DEPDC1: variants seen among roughly 807,000 people sequenced by gnomAD.
The protein encoded by DEPDC1 is DEP domain containing 1, also known as DEP domain-containing protein 1A.
In DEPDC1, 66 loss-of-function variants were observed where a neutral mutation model predicts 86.8. The observed-to-expected ratio is 0.76, with a 90% CI of 0.62 to 0.93. The LOEUF is 0.93. Among genes scored for constraint, DEPDC1 ranks in the 40% least tolerant of loss-of-function variants. DEPDC1 has a pLI of 0.00. For missense variants in DEPDC1, 792 were observed against 935.7 expected (o/e 0.85, Z 2.00); for synonymous variants, 255 against 314.9 (o/e 0.81, Z 2.02).
In DEPDC1 at chr1:68,496,903, T is replaced by TAA; in HGVS notation, c.48+48_48+49insTT. On this transcript the variant is annotated intron_variant, in intron 1 of 11. Transcript: ENST00000456315. This position sits in a 1 kb window ranked among gnomAD's most constrained non-coding sequence, Gnocchi z 4.0. ...GTCGAGGTAAAACTGCGAACAGTGG[T>TAA]GACTGCCGTCAGCCCGCTGACCGGT... The TAA allele has an allele frequency of 6.4e-7, 1 of 1,567,544 alleles. No individual in the cohort carries two copies. The highest frequency in any genetic ancestry group is 8.7e-7 in the Non-Finnish European group (1 of 1,143,064).
chr1:68,475,395 C>T lies in DEPDC1; in HGVS notation c.*1537G>A, dbSNP rs1411238181. 6 of 151,726 alleles carry T rather than the reference C, an allele frequency of 4.0e-5. 1 individual carries two copies. In the South Asian group the frequency reaches 8.3e-4, roughly 21 times the overall value. 9.4% of individuals were successfully genotyped at this position (151,726 alleles called of 1,614,324 possible). A position where few individuals can be genotyped will look rare whatever the true frequency, so the allele number is the denominator to read the frequency against. On this transcript the variant is annotated 3_prime_UTR_variant, in exon 12 of 12. Coordinates refer to ENST00000456315, the MANE Select transcript of DEPDC1 (RefSeq NM_001114120.3). ...ATTTTACATATCTATAAACAATAAACGTTTTAGTATTCAAATGCCTTAGAA... is the reference window on the plus strand; with the variant it reads ...ATTTTACATATCTATAAACAATAAATGTTTTAGTATTCAAATGCCTTAGAA...
intron 1 of DEPDC1, among the ~76,000 whole-genome samples, chr1:68,495,219 C>CT (rs1477412352): frequency 5.9e-5 from 9 of 151,876 alleles, no homozygotes; most frequent in Non-Finnish European, 1.3e-4. Flanking sequence ...TATGTAATAG[C>CT]TTTTTTATTA....
At position 68,478,102 on chromosome 1, in the gene DEPDC1, G is replaced by A. The variant is rs1381061122; in HGVS notation, c.2113-130C>T. On this transcript the variant is annotated intron_variant, in intron 10 of 11. Transcript: ENST00000456315. ...AACATTCAGCCATTAAAAAAACTATGTATTATGCAGTAGAGGTATGTAAGT... is the reference window on the plus strand; with the variant it reads ...AACATTCAGCCATTAAAAAAACTATATATTATGCAGTAGAGGTATGTAAGT... The A allele has an allele frequency of 8.9e-6, 5 of 559,956 alleles. No homozygotes were observed. In the East Asian group the frequency reaches 1.3e-4, roughly 15 times the overall value. 34.7% of individuals were successfully genotyped at this position (559,956 alleles called of 1,614,324 possible). A position where few individuals can be genotyped will look rare whatever the true frequency, so the allele number is the denominator to read the frequency against.
At chr1:68,477,650 C>T (rs754364151) in intron 11 of DEPDC1, 137 bp downstream of exon 11, 25 of 506,552 alleles carry the variant, frequency 4.9e-5, no homozygotes, top group Non-Finnish European at 6.9e-5. Context: ...TACAAGACAT[C>T]ATAATATATA....
chr1:68,496,771 G>C lies in DEPDC1; in HGVS notation c.48+181C>G, dbSNP rs1646268615. On this transcript the variant is annotated intron_variant, in intron 1 of 11. Transcript: ENST00000456315. This position sits in a 1 kb window ranked among gnomAD's most constrained non-coding sequence, Gnocchi z 4.0. ...CCCAGACCCTCAAAATAGAGGGAGC[G>C]GTGAGTCTGGCAAGGGTTGCATACC... The C allele has an allele frequency of 3.4e-6, 2 of 589,152 alleles. No homozygotes were observed. Among genetic ancestry groups the C allele is most frequent in the East Asian group, 6.2e-5 (2 of 32,014 alleles). The allele number at this position is 589,152 out of a possible 1,614,324, so 36.5% of individuals were successfully genotyped here.
rs374425113 is a variant in DEPDC1, at chr1:68,490,295, A to G, written c.315-687T>C. Among the ~76,000 whole-genome samples, 12 of 152,134 alleles carry G rather than the reference A, an allele frequency of 7.9e-5. No individual in the cohort carries two copies. In the South Asian group the frequency reaches 2.5e-3, roughly 32 times the overall value. On this transcript the variant is annotated intron_variant, in intron 2 of 11. Coordinates refer to ENST00000456315, the MANE Select transcript of DEPDC1 (RefSeq NM_001114120.3). ...CACCTTCCATTGTCCAATAGGCCCC[A>G]GTGTCTATTGTTCCCCTCTATGTGT...
chr1:68,494,077 TGAAGG>T (rs968090160), intron 2 of DEPDC1, among the ~76,000 whole-genome samples: 7 of 152,242 alleles, frequency 4.6e-5, no homozygotes, highest in African/African-American at 1.4e-4. Context: ...ATTATATGTT[TGAAGG>T]GAAGGATCTG....
chr1:68,492,090 G>C (rs991059941), intron 2 of DEPDC1, among the ~76,000 whole-genome samples: 69 of 151,974 alleles, frequency 4.5e-4, no homozygotes, highest in African/African-American at 1.6e-3. Context: ...AGTTTGTAGT[G>C]ACCTCAAAAG....
At position 68,489,570 on chromosome 1, in the gene DEPDC1, C is replaced by T; in HGVS notation, c.353G>A (p.Arg118Lys). The T allele has an allele frequency of 2.6e-6, 4 of 1,539,544 alleles. No homozygotes were observed. Among genetic ancestry groups the T allele is most frequent in the South Asian group, 1.3e-5 (1 of 76,852 alleles). Reference protein sequence around the residue: ...ATSPLKTLPRRYPELRKNNIE... With the variant: ...ATSPLKTLPRKYPELRKNNIE... ...GTTGTTTTTTCTCAATTCTGGATAC[C>T]TTCGTGGTAGAGTTTTAAGTGGCGA... Residue 118 changes from arginine to lysine, a missense_variant, in exon 3 of 12, where the codon AGG becomes AAG. Coordinates refer to ENST00000456315, the MANE Select transcript of DEPDC1 (RefSeq NM_001114120.3).
In DEPDC1 at chr1:68,485,199, A is replaced by T. The variant is rs186496286; in HGVS notation, c.770-1109T>A. On this transcript the variant is annotated intron_variant, in intron 6 of 11. Transcript: ENST00000456315. The stretch of plus-strand genomic sequence containing the variant: ...ACACACACACACACACACTCTTAAC[A>T]ACAGAGCAAAATAGATATTTTTCTA... 2.0e-5 allele frequency among the ~76,000 whole-genome samples: 3 copies of T among 151,706 alleles called. No individual in the cohort carries two copies. In the East Asian group the frequency reaches 5.8e-4, roughly 29 times the overall value.
At position 68,477,059 on chromosome 1, in the gene DEPDC1, T is replaced by G; in HGVS notation, c.2309A>C (p.Glu770Ala). The G allele has an allele frequency of 6.2e-7, 1 of 1,600,492 alleles. No homozygotes were observed. Among genetic ancestry groups the G allele is most frequent in the Non-Finnish European group, 8.5e-7 (1 of 1,173,926 alleles). ...TCTTTTCTGATATATCAAAGGATAT[T>G]CCTTCTGAAACTTAAAAATGAGGTG... ...KRKKLKQFQK[E>A]YPLIYQKRFP... The change falls in exon 12 of 12, where the codon GAA becomes GCA. Residue 770 changes from glutamate to alanine, a missense_variant. By Grantham distance (107) the Glu-to-Ala change is moderately radical (BLOSUM62 -1). Coordinates refer to ENST00000456315, the MANE Select transcript of DEPDC1 (RefSeq NM_001114120.3).
At position 68,489,469 on chromosome 1, in the gene DEPDC1, C is replaced by T. The variant is rs780086505; in HGVS notation, c.454G>A (p.Gly152Arg). ...NLSRRTPKRH[G>R]LHLSQENGEK... ...TGTGTTACCTGAGATAAATGTAATC[C>T]ATGCCTTTTAGGAGTTCTACGAGAT... Residue 152 changes from glycine to arginine, a missense_variant, in exon 3 of 12, where the codon GGA becomes AGA. By Grantham distance (125) the Gly-to-Arg change is moderately radical. Transcript: ENST00000456315. The T allele has an allele frequency of 2.7e-6, 4 of 1,502,474 alleles. No individual in the cohort carries two copies. Among genetic ancestry groups the T allele is most frequent in the Non-Finnish European group, 3.5e-6 (4 of 1,135,020 alleles). The allele number at this position is 1,502,474 out of a possible 1,614,324, so 93.1% of individuals were successfully genotyped here. A position where few individuals can be genotyped will look rare whatever the true frequency, so the allele number is the denominator to read the frequency against.
intron 2 of DEPDC1, among the ~76,000 whole-genome samples, chr1:68,490,110 TCTC>T (rs751885552): frequency 4.9e-4 from 75 of 152,272 alleles, no homozygotes; most frequent in Non-Finnish European, 9.9e-4. Context: ...TTGCCAGACT[TCTC>T]CTTTAATTTT....
chr1:68,492,468 A>G (rs1294020712), intron 2 of DEPDC1, among the ~76,000 whole-genome samples: 1 of 152,106 alleles, frequency 6.6e-6, no homozygotes, highest in African/African-American at 2.4e-5. Context: ...GCACTTTGGA[A>G]GGTCAAGGTG....
intron 5 of DEPDC1, among the ~76,000 whole-genome samples, chr1:68,487,410 T>C (rs1646200240): frequency 6.6e-6 from 1 of 152,010 alleles, no homozygotes; most frequent in South Asian, 2.1e-4. Flanking sequence ...ATGAACTGTA[T>C]CTCACTATTA....
At chr1:68,488,553 A>G (rs922438430) in intron 4 of DEPDC1, 49 bp from the exon 5 acceptor site, 3 of 1,454,206 alleles carry the variant, frequency 2.1e-6, no homozygotes, top group East Asian at 2.4e-5. Context: ...AATAGATTAT[A>G]CATATGAATA....
chr1:68,486,898 A>G, intron 6 of DEPDC1, 39 bp downstream of exon 6: 2 of 1,491,400 alleles, frequency 1.3e-6, no homozygotes, highest in South Asian at 1.5e-5. Flanking sequence ...ACACACACAC[A>G]CACACACACA....
At chr1:68,487,984 A>T (rs963528300) in intron 5 of DEPDC1, among the ~76,000 whole-genome samples, 2 of 151,894 alleles carry the variant, frequency 1.3e-5, no homozygotes, top group African/African-American at 4.8e-5. Context: ...TTTGTACATA[A>T]CTACTCATGT....
intron 6 of DEPDC1, among the ~76,000 whole-genome samples, chr1:68,485,423 G>T (rs892628582): frequency 2.0e-5 from 3 of 152,008 alleles, no homozygotes; most frequent in Admixed American, 6.6e-5. Flanking sequence ...AATTGGGATG[G>T]TATACTGATT....
Sources: gnomAD v4.1 joint callset for allele counts (sites outside exome capture counted in the v4.1 genomes callset) on GRCh38, gnomAD v4.1.1 for gene constraint, Gnocchi (gnomAD v3.1) non-coding constraint, MANE v1.5 for transcripts, NCBI Gene and HGNC (gene_info 2026-07-23, HGNC 2026-07-21) for gene names.